Variants in VARS2 observed in about 807,000 individuals in gnomAD.
VARS2 encodes the protein valyl-tRNA synthetase 2, mitochondrial.
In VARS2, 105 loss-of-function variants were observed where a neutral mutation model predicts 154.1. The ratio of observed to expected loss-of-function variants is 0.68; its 90% CI spans 0.58 to 0.80. The LOEUF is 0.80. Ranked by LOEUF, VARS2 falls within the 30% of genes least tolerant of loss-of-function variation. The probability of loss-of-function intolerance (pLI) is 0.00; values close to 1 mark genes in which losing one functional copy is unlikely to be tolerated. For synonymous variants in VARS2, 483 were observed against 539.5 expected, an observed-to-expected ratio of 0.90 and a Z score of 1.45; for missense variants, 1,157 against 1,361.4, an observed-to-expected ratio of 0.85 and a Z score of 2.36.
chr6:30,925,825 A>G, intron 28 of VARS2, 55 bp from the exon 29 acceptor site: 3 of 1,611,194 alleles, frequency 1.9e-6, no homozygotes, highest in Non-Finnish European at 2.5e-6. Flanking sequence ...CTAATGGAGG[A>G]TGGAGGCCTG....
rs1250545867 is a variant in VARS2, at chr6:30,919,420, C to A, written c.1075-338C>A. 6 of 237,202 alleles carry A rather than the reference C, an allele frequency of 2.5e-5. No individual in the cohort carries two copies. The Admixed American group carries it at 3.1e-4, about 12-fold the overall frequency. 14.7% of individuals were successfully genotyped at this position (237,202 alleles called of 1,614,324 possible). ...CAGGATAGTCTCGATCTCCTGACCT[C>A]GTGATCTGCCCACCTCGGCCTCCCA... On this transcript the variant is annotated intron_variant, in intron 11 of 29. Transcript: ENST00000676266. The surrounding 1 kb of genome is among the most constrained non-coding windows in gnomAD (Gnocchi z 4.5).
In VARS2 at chr6:30,914,943, G is replaced by T; in HGVS notation, c.107G>T (p.Gly36Val). The T allele has an allele frequency of 6.2e-7, 1 of 1,613,066 alleles. No individual in the cohort carries two copies. The highest frequency in any genetic ancestry group is 8.5e-7 in the Non-Finnish European group (1 of 1,180,036). ...HSVSTQSEPHGSPISRRNREA... is the reference protein window; with the variant it reads ...HSVSTQSEPHVSPISRRNREA... ...GTTTCTACACAGTCGGAGCCCCATG[G>T]ATCTCCCATCTCCCGGAGGAACCGT... Residue 36 changes from glycine to valine, a missense_variant, in exon 2 of 30, where the codon GGA becomes GTA. Transcript: ENST00000676266.
At chr6:30,914,597 G>A (rs377757114) in intron 1 of VARS2, 2 of 1,244,896 alleles carry the variant, frequency 1.6e-6, no homozygotes, top group African/African-American at 1.5e-5. Context: ...CAGACACTCC[G>A]GCCCTGTTCC....
In VARS2 at chr6:30,921,663, G is replaced by T. The variant is rs1217324699; in HGVS notation, c.1707G>T (p.Arg569Ser). Residue 569 changes from arginine (R) to serine (S), a missense_variant, in exon 18 of 30, where the codon AGG becomes AGT. Arg to Ser is a moderately radical substitution (Grantham distance 110). Transcript: ENST00000676266. This position sits in a 1 kb window ranked among gnomAD's most constrained non-coding sequence, Gnocchi z 4.6. ...AGGTAGCAGCGGAACTGACAGGGAG[G>T]CCAGGGGCAGAGCTGACCCTGGAGA... is the stretch of plus-strand genomic sequence containing the variant. Reference protein sequence around the residue: ...AREVAAELTGRPGAELTLERD... With the variant: ...AREVAAELTGSPGAELTLERD... 2.5e-6 allele frequency: 4 copies of T among 1,608,010 alleles called. No homozygotes were observed. Among genetic ancestry groups the T allele is most frequent in the African/African-American group, 1.3e-5 (1 of 74,896 alleles).
At chr6:30,914,599 C>A in intron 1 of VARS2, 1 of 1,239,258 alleles carries the variant, frequency 8.1e-7, no homozygotes. Flanking sequence ...GACACTCCGG[C>A]CCTGTTCCGG....
rs781321588 is a variant in VARS2 at position 30,922,187 on chromosome 6, G to A, written c.1878G>A (p.Val626=). ...ETGSDLLLFW[V]GRMVMLGTQL... ...GCAGCGACCTTCTGCTGTTCTGGGT[G>A]GGCCGCATGGTCATGTTGGGGACCC... Residue 626 remains valine (V), a synonymous_variant, in exon 20 of 30, where the codon GTG becomes GTA. Coordinates refer to ENST00000676266, the MANE Select transcript of VARS2 (RefSeq NM_020442.6). The A allele has an allele frequency of 6.2e-7, 1 of 1,612,912 alleles. No individual in the cohort carries two copies. The highest frequency in any genetic ancestry group is 1.7e-5 in the Admixed American group (1 of 59,996).
Position 30,915,249 on chromosome 6 carries a change from A to T in VARS2, c.283+12A>T. On this transcript the variant is annotated intron_variant, in intron 3 of 29. Coordinates refer to ENST00000676266, the MANE Select transcript of VARS2 (RefSeq NM_020442.6). ...CGGTGAAAAGAAAGGTAAGTAGAAT[A>T]AGTAAGAAGGCCTTTTCTTTCACAT... 1 of 1,613,832 alleles carries T rather than the reference A, an allele frequency of 6.2e-7. No homozygotes were observed. The highest frequency in any genetic ancestry group is 8.5e-7 in the Non-Finnish European group (1 of 1,179,682).
chr6:30,926,207 C>T lies in VARS2; in HGVS notation c.3189C>T (p.Leu1063=). The part of the protein sequence containing the change: ...DEPPAPGSPE[L] ...CTCCAGCCCCAGGGAGCCCGGAGCT[C>T]TAACTCATCATCCCCATCAGTTTTC... is the stretch of plus-strand genomic sequence containing the variant. Residue 1063 remains leucine, a synonymous_variant, in exon 30 of 30, where the codon CTC becomes CTT. Coordinates refer to ENST00000676266, the MANE Select transcript of VARS2 (RefSeq NM_020442.6). The T allele has an allele frequency of 1.2e-6, 2 of 1,613,106 alleles. No homozygotes were observed. The highest frequency in any genetic ancestry group is 8.5e-7 in the Non-Finnish European group (1 of 1,180,012).
rs1248918563 is a variant in VARS2 at position 30,918,877 on chromosome 6, G to A, written c.1036G>A (p.Val346Met). ...AAGGCCAGAGACGCTGCCTGGAGAT[G>A]TGGCTGTGGCCGTTCATCCAGACGA... ...TTRPETLPGD[V>M]AVAVHPDDSR... The change falls in exon 11 of 30, where the codon GTG becomes ATG. Residue 346 changes from valine to methionine, a missense_variant. Coordinates refer to ENST00000676266, the MANE Select transcript of VARS2 (RefSeq NM_020442.6). 1 of 1,613,026 alleles carries A rather than the reference G, an allele frequency of 6.2e-7. No individual in the cohort carries two copies. The highest frequency in any genetic ancestry group is 8.5e-7 in the Non-Finnish European group (1 of 1,180,042).
intron 1 of VARS2, 32 bp from the exon 2 acceptor site, chr6:30,914,778 A>G: frequency 6.3e-7 from 1 of 1,593,904 alleles, no homozygotes; most frequent in Non-Finnish European, 8.6e-7. Flanking sequence ...CCACCCCCAT[A>G]TCCTAATGTG....
intron 25 of VARS2, 29 bp downstream of exon 25, chr6:30,923,534 T>C: frequency 6.3e-7 from 1 of 1,592,788 alleles, no homozygotes. Flanking sequence ...GGCTTGGTAT[T>C]CCCATGCCTG....
Position 30,914,279 on chromosome 6 carries a change from C to A in VARS2, c.-93C>A, listed in dbSNP as rs1793989211. 1.1e-6 allele frequency: 1 copy of A among 929,990 alleles called. No homozygotes were observed. Among genetic ancestry groups the A allele is most frequent in the African/African-American group, 1.7e-5 (1 of 58,810 alleles). The allele number at this position is 929,990 out of a possible 1,614,324, so 57.6% of individuals were successfully genotyped here. On this transcript the variant is annotated 5_prime_UTR_variant, in exon 1 of 30. Coordinates refer to ENST00000676266, the MANE Select transcript of VARS2 (RefSeq NM_020442.6). ...CGGCTCCAGGGCCACGTTCCAGGGT[C>A]GGGTTTGGTGGATTCCTCAGTCCCT...
At chr6:30,923,849 T>C (rs1794683405) in intron 25 of VARS2, 1 of 393,382 alleles carries the variant, frequency 2.5e-6, no homozygotes, top group South Asian at 3.4e-5. Flanking sequence ...TGGGAGGGAC[T>C]AGCAGCGGTC....
Position 30,920,845 on chromosome 6 carries a change from G to T in VARS2, c.1479+96G>T. 1 of 1,196,102 alleles carries T rather than the reference G, an allele frequency of 8.4e-7. No homozygotes were observed. The allele number at this position is 1,196,102 out of a possible 1,614,324, so 74.1% of individuals were successfully genotyped here. A position where few individuals can be genotyped will look rare whatever the true frequency, so the allele number is the denominator to read the frequency against. On this transcript the variant is annotated intron_variant, in intron 15 of 29. Coordinates refer to ENST00000676266, the MANE Select transcript of VARS2 (RefSeq NM_020442.6). The surrounding 1 kb of genome is among the most constrained non-coding windows in gnomAD (Gnocchi z 4.6). Reference sequence around the variant, plus strand: ...TGGGAAGCAGGAGACCTCCTGCCCTGAAGACCTCTCCAGCTGTGGTAACTG... The same window carrying T: ...TGGGAAGCAGGAGACCTCCTGCCCTTAAGACCTCTCCAGCTGTGGTAACTG...
Position 30,915,764 on chromosome 6 carries a change from A to T in VARS2, c.403A>T (p.Thr135Ser). Residue 135 changes from threonine (T) to serine (S), a missense_variant, in exon 5 of 30, where the codon ACA becomes TCA. Coordinates refer to ENST00000676266, the MANE Select transcript of VARS2 (RefSeq NM_020442.6). ...PEYQARLPQATGETFSMCIPP... is the reference protein window; with the variant it reads ...PEYQARLPQASGETFSMCIPP... ...CCTCTAGGCCCGGCTGCCCCAAGCT[A>T]CAGGGGAGACCTTTTCCATGTGTAT... 6.2e-7 allele frequency: 1 copy of T among 1,613,434 alleles called. No individual in the cohort carries two copies. The highest frequency in any genetic ancestry group is 8.5e-7 in the Non-Finnish European group (1 of 1,180,008).
At chr6:30,922,663 G>A (rs1264662922) in intron 21 of VARS2, 43 bp from the exon 22 acceptor site, 1 of 1,597,242 alleles carries the variant, frequency 6.3e-7, no homozygotes, top group East Asian at 2.2e-5. Flanking sequence ...TATAGAGGCA[G>A]GGCCTTCGAC....
intron 26 of VARS2, 151 bp from the exon 27 acceptor site, chr6:30,925,123 G>A (rs1582204776): frequency 4.0e-6 from 2 of 494,652 alleles, no homozygotes; most frequent in East Asian, 6.4e-5. Flanking sequence ...TTTTTGTCAT[G>A]TTCCTTGAGA....
rs367837827 is a variant in VARS2 at position 30,922,159 on chromosome 6, C to T, written c.1850C>T (p.Thr617Met). The T allele has an allele frequency of 4.6e-5, 74 of 1,612,568 alleles. No homozygotes were observed. In the East Asian group the frequency reaches 8.7e-4, roughly 19 times the overall value. ...ARFYPLSLLE[T>M]GSDLLLFWVG... Reference sequence around the variant, plus strand: ...TTCTACCCCCTGTCACTTTTGGAAACGGGCAGCGACCTTCTGCTGTTCTGG... The same window carrying T: ...TTCTACCCCCTGTCACTTTTGGAAATGGGCAGCGACCTTCTGCTGTTCTGG... The change falls in exon 20 of 30, where the codon ACG becomes ATG. Residue 617 changes from threonine (T) to methionine (M), a missense_variant. By Grantham distance (81) the Thr-to-Met change is moderately conservative. Transcript: ENST00000676266.
intron 26 of VARS2, 125 bp downstream of exon 26, chr6:30,924,685 A>T (rs1362694269): frequency 1.6e-6 from 1 of 623,036 alleles, no homozygotes; most frequent in African/African-American, 1.8e-5. Context: ...CCTGGGGAAG[A>T]TGGATTGTTC....
Sources: gnomAD v4.1 joint callset for allele counts on GRCh38, gnomAD v4.1.1 for gene constraint, Gnocchi (gnomAD v3.1) non-coding constraint, MANE v1.5 for transcripts, NCBI Gene and HGNC (gene_info 2026-07-23, HGNC 2026-07-21) for gene names.